Variants in PITPNM1 observed in about 807,000 individuals in gnomAD.
PITPNM1 encodes phosphatidylinositol transfer protein membrane associated 1.
In PITPNM1, 74 loss-of-function variants were observed where a neutral mutation model predicts 133.3. That is an observed-to-expected ratio of 0.56 (90% CI 0.46 to 0.67). The LOEUF (loss-of-function observed/expected upper bound fraction) is 0.67. PITPNM1 is among the 30% of genes least tolerant of loss of function. The pLI, the probability that PITPNM1 is intolerant of heterozygous loss-of-function variation, is 0.00. For missense variants in PITPNM1, 1,398 were observed against 1,739.5 expected (o/e 0.80, Z 3.49); for synonymous variants, 738 against 741.4 (o/e 1.00, Z 0.08).
Position 67,502,597 on chromosome 11 carries a change from G to A in PITPNM1, c.200C>T (p.Ser67Phe), listed in dbSNP as rs1337719037. Residue 67 changes from serine to phenylalanine, a missense_variant, in exon 3 of 24, where the codon TCC (serine) becomes TTC (phenylalanine). Transcript: ENST00000356404. This position sits in a 1 kb window ranked among gnomAD's most constrained non-coding sequence, Gnocchi z 5.9. ...QYTHKVYHVG[S>F]HIPGWFRALL... ...TGCCCGGAACCAGCCTGGGATGTGG[G>A]AGCCCACGTGGTACACCTTGTGTGT... The A allele has an allele frequency of 1.2e-6, 2 of 1,613,626 alleles. No homozygotes were observed. The highest frequency in any genetic ancestry group is 1.1e-5 in the South Asian group (1 of 91,088).
At position 67,494,050 on chromosome 11, in the gene PITPNM1, C is replaced by CG; in HGVS notation, c.2879dup (p.Gln961AlafsTer17). 6.2e-7 allele frequency: 1 copy of CG among 1,607,092 alleles called. No homozygotes were observed. Among genetic ancestry groups the CG allele is most frequent in the Non-Finnish European group, 8.5e-7 (1 of 1,176,888 alleles). Reference sequence around the variant, plus strand: ...GGATCCACTTGCCCGACAGCGGCTGCGTCATGATGTAGACATCCACCTGGA... The same window carrying CG: ...GGATCCACTTGCCCGACAGCGGCTGCGGTCATGATGTAGACATCCACCTGGA... On this transcript the variant is annotated frameshift_variant, in exon 20 of 24. Transcript: ENST00000356404. LOFTEE classifies it high-confidence loss of function.
chr11:67,498,990 C>G lies in PITPNM1; in HGVS notation c.1183G>C (p.Glu395Gln). The change falls in exon 9 of 24, where the codon GAG becomes CAG. Residue 395 changes from glutamate (E) to glutamine (Q), a missense_variant. Physicochemically the swap from Glu to Gln is conservative, Grantham distance 29 (BLOSUM62 2). Coordinates refer to ENST00000356404, the MANE Select transcript of PITPNM1 (RefSeq NM_004910.3). The surrounding 1 kb of genome is among the most constrained non-coding windows in gnomAD (Gnocchi z 5.7). ...CCATCCTCAATGCCTTTAGCTGCCTCGGCTCCAGGCTCTGCAGGGCAACGA... is the reference window on the plus strand; with the variant it reads ...CCATCCTCAATGCCTTTAGCTGCCTGGGCTCCAGGCTCTGCAGGGCAACGA... The part of the protein sequence containing the change: ...EAEGTPEPGA[E>Q]AAKGIEDGAQ... 5 of 1,611,832 alleles carry G rather than the reference C, an allele frequency of 3.1e-6. No individual in the cohort carries two copies. The highest frequency in any genetic ancestry group is 4.2e-6 in the Non-Finnish European group (5 of 1,179,276).
Position 67,494,976 on chromosome 11 carries a change from A to T in PITPNM1, c.2632-20T>A. 6.2e-7 allele frequency: 1 copy of T among 1,608,066 alleles called. No homozygotes were observed. The highest frequency in any genetic ancestry group is 8.5e-7 in the Non-Finnish European group (1 of 1,176,206). Reference sequence around the variant, plus strand: ...GATCACCTGCACGGGACAGGGGGCGAGGCCTCTGTCTCTTAGGGGAGGGAG... The same window carrying T: ...GATCACCTGCACGGGACAGGGGGCGTGGCCTCTGTCTCTTAGGGGAGGGAG... On this transcript the variant is annotated intron_variant, in intron 17 of 23. Transcript: ENST00000356404.
intron 15 of PITPNM1, among the ~76,000 whole-genome samples, chr11:67,495,881 C>T (rs997768530): frequency 1.5e-4 from 23 of 152,386 alleles, no homozygotes; most frequent in Non-Finnish European, 2.8e-4. Context: ...CTGCAGCACA[C>T]CCCACACAGA....
At position 67,494,061 on chromosome 11, in the gene PITPNM1, A is replaced by T. The variant is rs1265299576; in HGVS notation, c.2869T>A (p.Tyr957Asn). ...VTLTGEKVDV[Y>N]IMTQPLSGKW... ...CCCGACAGCGGCTGCGTCATGATGT[A>T]GACATCCACCTGGAGGGGAGAAGGG... Residue 957 changes from tyrosine (Y) to asparagine (N), a missense_variant, in exon 20 of 24, where the codon TAC becomes AAC. Coordinates refer to ENST00000356404, the MANE Select transcript of PITPNM1 (RefSeq NM_004910.3). 1 of 1,605,804 alleles carries T rather than the reference A, an allele frequency of 6.2e-7. No homozygotes were observed. Among genetic ancestry groups the T allele is most frequent in the Admixed American group, 1.7e-5 (1 of 59,394 alleles).
rs1591068093 is a variant in PITPNM1, at chr11:67,504,197, G to C, written c.-17C>G. 6.3e-7 allele frequency: 1 copy of C among 1,586,836 alleles called. No individual in the cohort carries two copies. Among genetic ancestry groups the C allele is most frequent in the East Asian group, 2.3e-5 (1 of 43,298 alleles). ...GATGAGCATCCTGAAGGCGCTCGGC[G>C]GGCCGCGCGCGGCCTCCGCTCCTCC... On this transcript the variant is annotated 5_prime_UTR_variant, in exon 2 of 24. Transcript: ENST00000356404. This position sits in a 1 kb window ranked among gnomAD's most constrained non-coding sequence, Gnocchi z 5.4.
Position 67,496,368 on chromosome 11 carries a change from GAA to G in PITPNM1, c.2147-22_2147-21del. On this transcript the variant is annotated intron_variant, in intron 14 of 23. Coordinates refer to ENST00000356404, the MANE Select transcript of PITPNM1 (RefSeq NM_004910.3). ...GGGCTGCTGGTACCCAGAAGACAGA[GAA>G]AGATTGTGGGGTCAGGGTTTCAGCT... The G allele has an allele frequency of 6.4e-7, 1 of 1,563,260 alleles. No homozygotes were observed. The highest frequency in any genetic ancestry group is 8.6e-7 in the Non-Finnish European group (1 of 1,164,670).
At chr11:67,499,022 TGAGAGGGA>T in intron 8 of PITPNM1, 21 bp from the exon 9 acceptor site, 3 of 1,604,488 alleles carry the variant, frequency 1.9e-6, no homozygotes, top group Non-Finnish European at 2.6e-6. Flanking sequence ...ACGAAGCCAG[TGAGAGGGA>T]CGGAGAGGAC....
chr11:67,497,637 G>A lies in PITPNM1; in HGVS notation c.1825C>T (p.Pro609Ser), dbSNP rs200633345. ...LSPEFGPVRDPLADGVEGLGR... is the reference protein window; with the variant it reads ...LSPEFGPVRDSLADGVEGLGR... The stretch of plus-strand genomic sequence containing the variant: ...AGGCCTTCCACACCATCTGCCAGGG[G>A]GTCCCGCACTGGGCCAAACTCCGGA... Residue 609 changes from proline to serine, a missense_variant, in exon 13 of 24, where the codon CCC (proline) becomes TCC (serine). Coordinates refer to ENST00000356404, the MANE Select transcript of PITPNM1 (RefSeq NM_004910.3). 1.1e-5 allele frequency: 18 copies of A among 1,608,532 alleles called. No homozygotes were observed. The African/African-American group carries it at 1.7e-4, about 16-fold the overall frequency.
upstream of PITPNM1, among the ~76,000 whole-genome samples, chr11:67,505,560 C>T (rs1324458436): frequency 6.6e-6 from 1 of 152,234 alleles, no homozygotes; most frequent in Non-Finnish European, 1.5e-5. This position sits in a 1 kb window ranked among gnomAD's most constrained non-coding sequence, Gnocchi z 5.8. Context: ...CCTAGTCCCT[C>T]TGTGCTGATT....
chr11:67,493,819 G>C lies in PITPNM1; in HGVS notation c.3027C>G (p.Ala1009=), dbSNP rs762374136. The change falls in exon 21 of 24, where the codon GCC becomes GCG. Residue 1009 remains alanine, a synonymous_variant. Coordinates refer to ENST00000356404, the MANE Select transcript of PITPNM1 (RefSeq NM_004910.3). ...GGGCCACCACAGTCAGGCAGCATTC[G>C]GCATAGGTGTGGTCGCCCCTGCGGC... is the stretch of plus-strand genomic sequence containing the variant. ...RMVVRGDHTY[A]ECCLTVVARG... is the part of the protein sequence containing the mutation. 1 of 1,548,024 alleles carries C rather than the reference G, an allele frequency of 6.5e-7. No homozygotes were observed. The highest frequency in any genetic ancestry group is 1.4e-5 in the African/African-American group (1 of 73,232).
At chr11:67,497,878 CT>C in intron 12 of PITPNM1, 38 bp downstream of exon 12, 1 of 1,588,044 alleles carries the variant, frequency 6.3e-7, no homozygotes. Flanking sequence ...CAGAGAGGGC[CT>C]TTCCGCTCCT....
Position 67,499,815 on chromosome 11 carries a change from C to A in PITPNM1, c.1079G>T (p.Ser360Ile). 6.4e-7 allele frequency: 1 copy of A among 1,567,370 alleles called. No homozygotes were observed. Among genetic ancestry groups the A allele is most frequent in the Non-Finnish European group, 8.7e-7 (1 of 1,150,082 alleles). ...CATCTCCTTGGGGAAGACCTCCTCA[C>A]TGTCCGAGAAGCCTTCTGAGGGGAC... Reference protein sequence around the residue: ...FFDAHEGFSDSEEVFPKEMTK... With the variant: ...FFDAHEGFSDIEEVFPKEMTK... Residue 360 changes from serine (S) to isoleucine (I), a missense_variant, in exon 8 of 24, where the codon AGT becomes ATT. Physicochemically the swap from Ser to Ile is moderately radical, Grantham distance 142 (BLOSUM62 -2). Coordinates refer to ENST00000356404, the MANE Select transcript of PITPNM1 (RefSeq NM_004910.3).
At position 67,502,346 on chromosome 11, in the gene PITPNM1, G is replaced by A. The variant is rs755264163; in HGVS notation, c.361C>T (p.Gln121Ter). 1 of 1,613,670 alleles carries A rather than the reference G, an allele frequency of 6.2e-7. No individual in the cohort carries two copies. Among genetic ancestry groups the A allele is most frequent in the South Asian group, 1.1e-5 (1 of 91,082 alleles). Residue 121 changes from glutamine (Q) to a stop codon, truncating the protein, a stop_gained, in exon 4 of 24, where the codon CAG (glutamine) becomes TAG (stop). Coordinates refer to ENST00000356404, the MANE Select transcript of PITPNM1 (RefSeq NM_004910.3). LOFTEE classifies it high-confidence loss of function. The surrounding 1 kb of genome is among the most constrained non-coding windows in gnomAD (Gnocchi z 5.9). ...IETYYLPDGG[Q>*]QPNVFNLSGA... is the part of the protein sequence containing the mutation. ...CTCAGGTTGAAGACGTTTGGCTGCT[G>A]CCCCCCATCAGGCAGGTAATAGGTC...
chr11:67,502,466 C>T lies in PITPNM1; in HGVS notation c.293+38G>A. ...CTGCTGTACCCACCAGGGCCGCTCC[C>T]CTCCTGGCCTCGGACCATGCCCAGC... On this transcript the variant is annotated intron_variant, in intron 3 of 23. Transcript: ENST00000356404. This position sits in a 1 kb window ranked among gnomAD's most constrained non-coding sequence, Gnocchi z 5.9. The T allele has an allele frequency of 1.2e-6, 2 of 1,613,596 alleles. No individual in the cohort carries two copies. The highest frequency in any genetic ancestry group is 1.1e-5 in the South Asian group (1 of 91,084).
chr11:67,497,848 AGGG>A, intron 12 of PITPNM1, 66 bp downstream of exon 12: 1 of 1,506,538 alleles, frequency 6.6e-7, no homozygotes, highest in Non-Finnish European at 9.1e-7. Context: ...GTGGCATTCC[AGGG>A]GGCAGAGACC....
upstream of PITPNM1, among the ~76,000 whole-genome samples, chr11:67,505,941 A>C (rs1453197582): frequency 6.6e-6 from 1 of 152,126 alleles, no homozygotes; most frequent in East Asian, 1.9e-4. This position sits in a 1 kb window ranked among gnomAD's most constrained non-coding sequence, Gnocchi z 5.8. Context: ...AGCCACCCGG[A>C]GTCTGGGCAA....
At position 67,502,314 on chromosome 11, in the gene PITPNM1, G is replaced by A. The variant is rs781373163; in HGVS notation, c.393C>T (p.Ala131=). The change falls in exon 4 of 24, where the codon GCC becomes GCT. Residue 131 remains alanine (A), a synonymous_variant. Coordinates refer to ENST00000356404, the MANE Select transcript of PITPNM1 (RefSeq NM_004910.3). The surrounding 1 kb of genome is among the most constrained non-coding windows in gnomAD (Gnocchi z 5.9). ...QQPNVFNLSG[A]ERRQRILDTI... ...CACCCAGGATGCGCTGTCTCCTCTC[G>A]GCCCCGCTCAGGTTGAAGACGTTTG... 69 of 1,613,248 alleles carry A rather than the reference G, an allele frequency of 4.3e-5. No homozygotes were observed. Among genetic ancestry groups the A allele is most frequent in the Non-Finnish European group, 5.1e-5 (60 of 1,180,012 alleles).
rs183937953 is a variant in PITPNM1, at chr11:67,498,158, G to A, written c.1649C>T (p.Pro550Leu). Residue 550 changes from proline to leucine, a missense_variant, in exon 11 of 24, where the codon CCT becomes CTT. By Grantham distance (98) the Pro-to-Leu change is moderately conservative. This residue lies in a region of PITPNM1 where 574 missense variants were observed against 698.7 expected (regional missense o/e 0.82). Coordinates refer to ENST00000356404, the MANE Select transcript of PITPNM1 (RefSeq NM_004910.3). The surrounding 1 kb of genome is among the most constrained non-coding windows in gnomAD (Gnocchi z 5.7). ...CTGCCCACAGAAGCCGGCACCCTCA[G>A]GTGAGCGCAGGAAGGCTGAGTAGGC... is the stretch of plus-strand genomic sequence containing the variant. ...NQAYSAFLRS[P>L]EGAGFCGQVA... is the part of the protein sequence containing the mutation. The A allele has an allele frequency of 1.2e-5, 19 of 1,613,082 alleles. No individual in the cohort carries two copies. The highest frequency in any genetic ancestry group is 1.5e-5 in the Non-Finnish European group (18 of 1,179,970).
Sources: gnomAD v4.1 joint callset for allele counts (sites outside exome capture counted in the v4.1 genomes callset) on GRCh38, gnomAD v4.1.1 for gene constraint, gnomAD v4.1.1 regional missense constraint, Gnocchi (gnomAD v3.1) non-coding constraint, MANE v1.5 for transcripts, NCBI Gene and HGNC (gene_info 2026-07-23, HGNC 2026-07-21) for gene names.